PRIM2: variants seen among roughly 807,000 people sequenced by gnomAD.
The protein encoded by PRIM2 is DNA primase subunit 2.
A neutral mutation model predicts 67.3 loss-of-function variants in PRIM2; 39 were observed. The ratio of observed to expected loss-of-function variants is 0.58; its 90% CI spans 0.45 to 0.76. The LOEUF (loss-of-function observed/expected upper bound fraction) is 0.76, where lower values mean the gene tolerates loss of function less well. PRIM2 is among the 30% of genes least tolerant of loss of function. PRIM2 has a pLI of 0.00. For synonymous variants in PRIM2, 143 were observed against 198.7 expected, an observed-to-expected ratio of 0.72 and a Z score of 2.36; for missense variants, 398 against 598.7, an observed-to-expected ratio of 0.66 and a Z score of 3.50.
At chr6:57,309,291 T>TC in the PRIM2 span, among the ~76,000 whole-genome samples, 3 of 65,342 alleles carry the variant, frequency 4.6e-5, no homozygotes, top group African/African-American at 6.4e-5. Flanking sequence ...CCCTCCCCCC[T>TC]CCCCCCACCC....
intron 10 of PRIM2, among the ~76,000 whole-genome samples, chr6:57,551,863 A>G (rs1414555358): frequency 1.3e-5 from 2 of 152,170 alleles, no homozygotes; most frequent in East Asian, 1.9e-4. Flanking sequence ...AAACAAAAAC[A>G]TGATGTTTTG....
the PRIM2 span, among the ~76,000 whole-genome samples, chr6:57,306,843 A>T: frequency 6.6e-6 from 1 of 152,200 alleles, no homozygotes; most frequent in African/African-American, 2.4e-5. Context: ...TTTCAAAAAA[A>T]CTTTTATAAA....
chr6:57,324,744 G>A (rs1767789606), intron 4 of PRIM2, among the ~76,000 whole-genome samples: 1 of 152,174 alleles, frequency 6.6e-6, no homozygotes. Context: ...CCCAGAGGTA[G>A]TAAAGTTAGT....
the PRIM2 span, among the ~76,000 whole-genome samples, chr6:57,296,493 T>A: frequency 6.0e-4 from 92 of 152,220 alleles, no homozygotes; most frequent in Non-Finnish European, 1.1e-3. Flanking sequence ...TTGTGATATA[T>A]AAGCTATTAA....
At chr6:57,453,287 A>G (rs1772626135) in intron 7 of PRIM2, among the ~76,000 whole-genome samples, 2 of 152,152 alleles carry the variant, frequency 1.3e-5, no homozygotes, top group Admixed American at 6.5e-5. Context: ...TTGGTTCCAT[A>G]TGAACTTTAA....
intron 10 of PRIM2, among the ~76,000 whole-genome samples, chr6:57,562,800 G>A (rs1482470448): frequency 2.6e-5 from 4 of 152,108 alleles, no homozygotes; most frequent in Admixed American, 1.3e-4. Flanking sequence ...CTCTCATACC[G>A]ATGCTCTCAG....
At chr6:57,460,121 G>A (rs1275344959) in intron 7 of PRIM2, among the ~76,000 whole-genome samples, 1 of 151,122 alleles carries the variant, frequency 6.6e-6, no homozygotes, top group African/African-American at 2.4e-5. Context: ...AGTGCAAATG[G>A]TTTTTGTTGC....
At chr6:57,271,076 G>A in the PRIM2 span, among the ~76,000 whole-genome samples, 10 of 152,110 alleles carry the variant, frequency 6.6e-5, no homozygotes, top group South Asian at 4.1e-4. Context: ...CAGGGATATC[G>A]GTCTAAAATT....
At chr6:57,307,530 G>T in the PRIM2 span, among the ~76,000 whole-genome samples, 2 of 152,114 alleles carry the variant, frequency 1.3e-5, no homozygotes, top group Non-Finnish European at 2.9e-5. Flanking sequence ...GAGCCACTGC[G>T]CCTGGCCAAG....
chr6:57,309,696 G>C, the PRIM2 span, among the ~76,000 whole-genome samples: 2,918 of 152,220 alleles, frequency 0.019, 43 homozygotes, highest in Non-Finnish European at 0.027. Flanking sequence ...TGGGATGGCT[G>C]GGTCAAATGG....
intron 7 of PRIM2, chr6:57,435,210 G>A (rs1363744433): frequency 6.6e-6 from 1 of 152,192 alleles, no homozygotes; most frequent in Non-Finnish European, 1.5e-5. Flanking sequence ...TGAATTTTAT[G>A]ACTTTTTCAT....
intron 3 of PRIM2, 69 bp downstream of exon 3, chr6:57,320,629 A>T: frequency 1.0e-6 from 1 of 986,316 alleles, no homozygotes; most frequent in Non-Finnish European, 1.5e-6. Flanking sequence ...CACTTGTGGG[A>T]AAGATATTAT....
chr6:57,457,808 C>T lies in PRIM2; in HGVS notation c.694-49579C>T, dbSNP rs916284327. ...CACCCACTGTCCTGCACCCACTTTC[C>T]GACACTCACCAGTGAGATGAACCCG... On this transcript the variant is annotated intron_variant, in intron 7 of 13. Coordinates refer to ENST00000615550, the MANE Select transcript of PRIM2 (RefSeq NM_000947.5). 1.2e-4 allele frequency among the ~76,000 whole-genome samples: 18 copies of T among 152,090 alleles called. 1 individual carries two copies. Among genetic ancestry groups the T allele is most frequent in the South Asian group, 6.2e-4 (3 of 4,818 alleles).
At chr6:57,251,067 C>G in the PRIM2 span, among the ~76,000 whole-genome samples, 1 of 152,106 alleles carries the variant, frequency 6.6e-6, no homozygotes, top group Non-Finnish European at 1.5e-5. Flanking sequence ...CTCTTATAAT[C>G]TTCCTCCCAG....
At chr6:57,501,877 A>T (rs1482475893) in intron 7 of PRIM2, among the ~76,000 whole-genome samples, 1 of 152,190 alleles carries the variant, frequency 6.6e-6, no homozygotes, top group Non-Finnish European at 1.5e-5. Flanking sequence ...AAGCAGTCTC[A>T]GTCTTGGCTG....
At chr6:57,566,059 GT>G (rs1448953116) in intron 10 of PRIM2, among the ~76,000 whole-genome samples, 3 of 137,728 alleles carry the variant, frequency 2.2e-5, no homozygotes, top group Non-Finnish European at 4.8e-5. Context: ...TTTTGTTTTT[GT>G]TTTTTTTTCA....
At position 57,646,823 on chromosome 6, in the gene PRIM2, C is replaced by T. The variant is rs2127503603; in HGVS notation, c.*665C>T. 6.6e-6 allele frequency: 1 copy of T among 152,226 alleles called. No homozygotes were observed. The highest frequency in any genetic ancestry group is 2.1e-4 in the South Asian group (1 of 4,810). The allele number at this position is 152,226 out of a possible 1,614,324, so 9.4% of individuals were successfully genotyped here. On this transcript the variant is annotated 3_prime_UTR_variant, in exon 14 of 14. Coordinates refer to ENST00000615550, the MANE Select transcript of PRIM2 (RefSeq NM_000947.5). ...ATTTTGACTCAATCCTTTTCTGGAC[C>T]ATTTTTGTTAATAAATATCAAAGTG...
Position 57,472,355 on chromosome 6 carries a change from G to A in PRIM2, c.694-35032G>A, listed in dbSNP as rs1392292876. Among the ~76,000 whole-genome samples the A allele has an allele frequency of 1.1e-4, 17 of 151,372 alleles. No individual in the cohort carries two copies. The East Asian group carries it at 3.1e-3, about 28-fold the overall frequency. Reference sequence around the variant, plus strand: ...TGAGGCAGGAGAATCGCTTGAACCCGGTAGGCGGAAGTTGCAGTGAACTGA... The same window carrying A: ...TGAGGCAGGAGAATCGCTTGAACCCAGTAGGCGGAAGTTGCAGTGAACTGA... On this transcript the variant is annotated intron_variant, in intron 7 of 13. Coordinates refer to ENST00000615550, the MANE Select transcript of PRIM2 (RefSeq NM_000947.5).
At chr6:57,454,301 TA>T (rs1334217936) in intron 7 of PRIM2, among the ~76,000 whole-genome samples, 2 of 152,220 alleles carry the variant, frequency 1.3e-5, no homozygotes, top group Non-Finnish European at 2.9e-5. Context: ...GCTGGCCTCA[TA>T]AAATGAGTTA....
Sources: allele counts gnomAD v4.1 joint callset (sites outside exome capture counted in the v4.1 genomes callset), GRCh38; gene constraint gnomAD v4.1.1; transcripts MANE v1.5; gene names NCBI Gene and HGNC (gene_info 2026-07-23, HGNC 2026-07-21).